Variants in ZFHX3 observed in about 807,000 individuals in gnomAD.
ZFHX3 encodes the protein zinc finger homeobox 3.
In ZFHX3, 42 loss-of-function variants were observed where a neutral mutation model predicts 279.1. The ratio of observed to expected loss-of-function variants is 0.15; its 90% CI spans 0.12 to 0.19. The LOEUF (loss-of-function observed/expected upper bound fraction) is 0.19, where lower values mean the gene tolerates loss of function less well. Ranked by LOEUF, ZFHX3 falls within the 10% of genes least tolerant of loss-of-function variation. The pLI is 1.00. For missense variants in ZFHX3, 4,981 were observed against 4,754.0 expected, an observed-to-expected ratio of 1.05 and a Z score of -1.40; for synonymous variants, 2,293 against 1,957.8, an observed-to-expected ratio of 1.17 and a Z score of -4.52.
At chr16:73,507,552 G>C (rs554819618) in intron 2 of ZFHX3, among the ~76,000 whole-genome samples, 2 of 139,464 alleles carry the variant, frequency 1.4e-5, no homozygotes, top group Non-Finnish European at 3.0e-5. Context: ...CTGGAGTACA[G>C]TGGTGCAGTC....
At chr16:72,867,589 T>C (rs747484761) in intron 4 of ZFHX3, among the ~76,000 whole-genome samples, 4 of 152,252 alleles carry the variant, frequency 2.6e-5, no homozygotes, top group Non-Finnish European at 5.9e-5. Flanking sequence ...CCATTTATTG[T>C]TGACACCAGT....
At chr16:73,090,567 G>A (rs917434364) in intron 8 of ZFHX3, among the ~76,000 whole-genome samples, 4 of 151,964 alleles carry the variant, frequency 2.6e-5, no homozygotes, top group Non-Finnish European at 5.9e-5. Context: ...AGCAAGAAAG[G>A]GAGGGAAAGC....
intron 2 of ZFHX3, among the ~76,000 whole-genome samples, chr16:73,459,603 A>G (rs1357851913): frequency 6.6e-6 from 1 of 152,102 alleles, no homozygotes; most frequent in East Asian, 1.9e-4. Context: ...CCTGGCCTCA[A>G]GTGATCTGCC....
At chr16:73,220,274 T>C (rs796425845) in intron 5 of ZFHX3, among the ~76,000 whole-genome samples, 1 of 152,140 alleles carries the variant, frequency 6.6e-6, no homozygotes, top group Non-Finnish European at 1.5e-5. Flanking sequence ...ATGGGATCCA[T>C]TGTATCCCAA....
intron 3 of ZFHX3, among the ~76,000 whole-genome samples, chr16:72,930,012 G>A (rs372003937): frequency 2.6e-5 from 4 of 152,342 alleles, no homozygotes; most frequent in African/African-American, 9.6e-5. Context: ...GAGGTCAGGA[G>A]TTCAACACCA....
At chr16:72,811,464 G>C in intron 7 of ZFHX3, 113 bp downstream of exon 7, 1 of 1,175,042 alleles carries the variant, frequency 8.5e-7, no homozygotes, top group Non-Finnish European at 1.2e-6. Flanking sequence ...GTTTTCTGAC[G>C]TTTCCAACTC....
rs140602496 is a variant in ZFHX3 at position 72,958,393 on chromosome 16, C to T, written c.1753G>A (p.Gly585Ser). 7.2e-3 allele frequency: 11,555 copies of T among 1,614,178 alleles called. 58 individuals carry two copies. Among genetic ancestry groups the T allele is most frequent in the Non-Finnish European group, 8.6e-3 (10,130 of 1,180,016 alleles). ...TCGTCAGCGAAGTCCAGCCTCCTGC[C>T]GCCCTCTGCCACATTGGCCCTGACG... ...EGVRANVAEGGRRLDFADESA... is the reference protein window; with the variant it reads ...EGVRANVAEGSRRLDFADESA... The change falls in exon 2 of 10, where the codon GGC (glycine) becomes AGC (serine). Residue 585 changes from glycine to serine, a missense_variant. Physicochemically the swap from Gly to Ser is moderately conservative, Grantham distance 56. Transcript: ENST00000268489.
intron 2 of ZFHX3, among the ~76,000 whole-genome samples, chr16:73,674,498 A>C (rs1287692059): frequency 6.6e-6 from 1 of 152,256 alleles, no homozygotes; most frequent in Non-Finnish European, 1.5e-5. Flanking sequence ...AAGAATAGAC[A>C]ACACTCAGCA....
intron 3 of ZFHX3, among the ~76,000 whole-genome samples, chr16:73,439,329 T>C (rs570187682): frequency 6.6e-6 from 1 of 152,328 alleles, no homozygotes; most frequent in East Asian, 1.9e-4. Flanking sequence ...GCTCTGTTTT[T>C]TCATGCCAGC....
At chr16:73,239,178 G>T (rs2013043514) in intron 5 of ZFHX3, among the ~76,000 whole-genome samples, 1 of 152,142 alleles carries the variant, frequency 6.6e-6, no homozygotes, top group Non-Finnish European at 1.5e-5. Flanking sequence ...CCAGCTGTAA[G>T]ATTACAGGCC....
At chr16:73,530,412 C>A (rs2019778011) in intron 2 of ZFHX3, among the ~76,000 whole-genome samples, 1 of 152,206 alleles carries the variant, frequency 6.6e-6, no homozygotes, top group African/African-American at 2.4e-5. Flanking sequence ...CTAAGCAGCT[C>A]AGGTGTGACC....
intron 1 of ZFHX3, among the ~76,000 whole-genome samples, chr16:73,732,370 C>T (rs2053576363): frequency 6.6e-6 from 1 of 152,156 alleles, no homozygotes; most frequent in Non-Finnish European, 1.5e-5. Context: ...AGCAAATCTG[C>T]TTTGGGTTCT....
intron 4 of ZFHX3, among the ~76,000 whole-genome samples, chr16:72,864,378 A>C (rs984870157): frequency 3.9e-5 from 6 of 152,160 alleles, no homozygotes; most frequent in Non-Finnish European, 8.8e-5. Context: ...AAAACATAGA[A>C]GCACATGTAC....
intron 3 of ZFHX3, among the ~76,000 whole-genome samples, chr16:73,391,727 C>G (rs984759132): frequency 5.3e-5 from 8 of 152,054 alleles, no homozygotes; most frequent in Admixed American, 5.2e-4. Flanking sequence ...CAGCTGGGCT[C>G]CAGGCTTAGA....
At chr16:73,101,224 A>T (rs773949006) in intron 7 of ZFHX3, among the ~76,000 whole-genome samples, 4 of 152,176 alleles carry the variant, frequency 2.6e-5, no homozygotes, top group Non-Finnish European at 5.9e-5. Context: ...TCCATAACCC[A>T]TCTTCTCAAA....
chr16:73,578,133 T>A (rs952206953), intron 2 of ZFHX3, among the ~76,000 whole-genome samples: 1 of 152,186 alleles, frequency 6.6e-6, no homozygotes, highest in Non-Finnish European at 1.5e-5. Context: ...GCCAAGATTA[T>A]TTTTTTAAAC....
At chr16:73,000,469 G>A (rs1597074606) in intron 1 of ZFHX3, among the ~76,000 whole-genome samples, 3 of 152,064 alleles carry the variant, frequency 2.0e-5, no homozygotes, top group Non-Finnish European at 2.9e-5. Context: ...TCTGGCACTC[G>A]GCTCAACCCA....
intron 5 of ZFHX3, among the ~76,000 whole-genome samples, chr16:73,248,825 A>G (rs887160494): frequency 2.0e-5 from 3 of 152,086 alleles, no homozygotes; most frequent in African/African-American, 7.2e-5. Flanking sequence ...TTTAATTGAA[A>G]AACATGTTTT....
At chr16:72,844,658 G>A (rs1243893394) in intron 4 of ZFHX3, among the ~76,000 whole-genome samples, 4 of 152,056 alleles carry the variant, frequency 2.6e-5, no homozygotes, top group Admixed American at 6.6e-5. Flanking sequence ...TGATATCCCC[G>A]TTCTTAGAAA....
Sources: allele counts gnomAD v4.1 joint callset (sites outside exome capture counted in the v4.1 genomes callset), GRCh38; gene constraint gnomAD v4.1.1; transcripts MANE v1.5; gene names NCBI Gene and HGNC (gene_info 2026-07-23, HGNC 2026-07-21).